PCDHA2: variants seen among roughly 807,000 people sequenced by gnomAD.
PCDHA2 encodes protocadherin alpha 2.
Under a neutral mutation model 66.0 loss-of-function variants are expected in PCDHA2, and 58 were observed. The observed-to-expected ratio is 0.88, with a 90% CI of 0.71 to 1.09. The LOEUF (loss-of-function observed/expected upper bound fraction) is 1.09. Among genes scored for constraint, PCDHA2 ranks in the 50% least tolerant of loss-of-function variants. The pLI, the probability that PCDHA2 is intolerant of heterozygous loss-of-function variation, is 0.00. For missense variants in PCDHA2, 1,267 were observed against 1,242.3 expected (o/e 1.02, Z -0.30); for synonymous variants, 634 against 554.0 (o/e 1.14, Z -2.03).
At chr5:140,951,746 C>A (rs2094627797) in intron 1 of PCDHA2, among the ~76,000 whole-genome samples, 1 of 152,128 alleles carries the variant, frequency 6.6e-6, no homozygotes, top group African/African-American at 2.4e-5. Flanking sequence ...ACTGCCCTCA[C>A]CCTCCGCGAA....
chr5:140,880,822 A>T (rs893258483), intron 1 of PCDHA2, among the ~76,000 whole-genome samples: 2 of 152,206 alleles, frequency 1.3e-5, no homozygotes, highest in Non-Finnish European at 2.9e-5. Flanking sequence ...GAGTGTCTGG[A>T]AGGGCATATT....
intron 1 of PCDHA2, chr5:140,877,567 T>C (rs1487907484): frequency 6.2e-7 from 1 of 1,613,664 alleles, no homozygotes; most frequent in East Asian, 2.2e-5. Context: ...TATTAACGTG[T>C]ACCTCATCAT....
intron 1 of PCDHA2, chr5:140,810,927 C>T (rs1764757757): frequency 6.6e-6 from 1 of 152,084 alleles, no homozygotes; most frequent in Non-Finnish European, 1.5e-5. Context: ...TCATTGTTTA[C>T]ATTACATCTA....
intron 1 of PCDHA2, chr5:140,803,156 C>A (rs1763130991): frequency 6.2e-7 from 1 of 1,613,768 alleles, no homozygotes; most frequent in Non-Finnish European, 8.5e-7. Context: ...TGGTGAAGGA[C>A]CACGGTGAAC....
chr5:140,880,645 C>T (rs535367313), intron 1 of PCDHA2, among the ~76,000 whole-genome samples: 5 of 152,148 alleles, frequency 3.3e-5, no homozygotes, highest in Admixed American at 3.3e-4. Flanking sequence ...CACTTGAGAG[C>T]CCAACTGAGG....
intron 1 of PCDHA2, among the ~76,000 whole-genome samples, chr5:140,846,656 G>C (rs1291638062): frequency 6.7e-6 from 1 of 149,228 alleles, no homozygotes; most frequent in East Asian, 1.9e-4. Context: ...TTACAGGCAT[G>C]AGCCACCGCG....
At chr5:140,983,226 T>C (rs892083218) in intron 3 of PCDHA2, among the ~76,000 whole-genome samples, 1 of 152,216 alleles carries the variant, frequency 6.6e-6, no homozygotes, top group Non-Finnish European at 1.5e-5. Context: ...ATCCAAACTT[T>C]CAGGAAAGAG....
chr5:140,876,481 C>T (rs1442284424), intron 1 of PCDHA2: 9 of 1,613,878 alleles, frequency 5.6e-6, no homozygotes, highest in Admixed American at 1.7e-5. Flanking sequence ...CAGCATGGTC[C>T]TGGTGGAAGT....
chr5:140,835,484 C>T (rs2150236532), intron 1 of PCDHA2: 3 of 1,613,926 alleles, frequency 1.9e-6, no homozygotes, highest in Non-Finnish European at 8.5e-7. Flanking sequence ...AACCAGGTAC[C>T]GTCATCACAT....
Position 140,819,137 on chromosome 5 carries a change from T to A in PCDHA2, c.2388+21785T>A, listed in dbSNP as rs193224089. On this transcript the variant is annotated intron_variant, in intron 1 of 3. Coordinates refer to ENST00000526136, the MANE Select transcript of PCDHA2 (RefSeq NM_018905.3). The stretch of plus-strand genomic sequence containing the variant: ...CTTTCTTACTATCCTTATAATAGAA[T>A]AAATTAATTTTTATACAGAATTAAT... Among the ~76,000 whole-genome samples the A allele has an allele frequency of 3.0e-3, 455 of 152,322 alleles. 4 individuals carry two copies. The highest frequency in any genetic ancestry group is 0.014 in the Middle Eastern group (4 of 294).
chr5:140,969,600 C>CTAAAACACA, intron 1 of PCDHA2: 1 of 778,552 alleles, frequency 1.3e-6, no homozygotes, highest in South Asian at 2.1e-5. Flanking sequence ...ATATTTAATG[C>CTAAAACACA]TAAAACACAG....
At chr5:140,932,734 C>G (rs1295804671) in intron 1 of PCDHA2, among the ~76,000 whole-genome samples, 2 of 151,588 alleles carry the variant, frequency 1.3e-5, no homozygotes, top group Non-Finnish European at 1.5e-5. Context: ...AATATAGACC[C>G]TCAAATCAGT....
intron 1 of PCDHA2, chr5:140,834,950 A>C: frequency 1.3e-6 from 2 of 1,550,084 alleles, no homozygotes; most frequent in Non-Finnish European, 1.8e-6. Context: ...ACCAGCAGGT[A>C]AAACCTCTTG....
At position 140,978,997 on chromosome 5, in the gene PCDHA2, G is replaced by C. The variant is rs782253140; in HGVS notation, c.2437G>C (p.Gly813Arg). The C allele has an allele frequency of 2.7e-5, 44 of 1,614,040 alleles. No individual in the cohort carries two copies. Among genetic ancestry groups the C allele is most frequent in the Non-Finnish European group, 3.6e-5 (43 of 1,180,028 alleles). ...GCGTTACTCTGCCTCCCTGAGAGCA[G>C]GCATGCACAGGTATGTATTTCCCTC... ...DWRYSASLRAGMHSSVHLEEA... is the reference protein window; with the variant it reads ...DWRYSASLRARMHSSVHLEEA... Residue 813 changes from glycine to arginine, a missense_variant, in exon 2 of 4, where the codon GGC becomes CGC. Transcript: ENST00000526136.
intron 1 of PCDHA2, chr5:140,928,695 C>T (rs782305388): frequency 9.3e-6 from 15 of 1,614,058 alleles, no homozygotes; most frequent in Non-Finnish European, 1.3e-5. Context: ...ACCACATCTC[C>T]CGGGCGTCTG....
chr5:140,938,875 C>T (rs2092238013), intron 1 of PCDHA2, among the ~76,000 whole-genome samples: 1 of 151,912 alleles, frequency 6.6e-6, no homozygotes. Flanking sequence ...AGTTAAGAAG[C>T]AACACACACA....
chr5:140,821,251 C>G (rs1766928328), intron 1 of PCDHA2, among the ~76,000 whole-genome samples: 1 of 152,094 alleles, frequency 6.6e-6, no homozygotes, highest in Admixed American at 6.5e-5. Flanking sequence ...AACTTTAACT[C>G]TTAAAAGTTA....
intron 1 of PCDHA2, chr5:140,843,803 T>C: frequency 7.7e-7 from 1 of 1,305,734 alleles, no homozygotes. Context: ...TTTTTCACCG[T>C]ATTTTATAGT....
rs1554181482 is a variant in PCDHA2, at chr5:140,884,371, C to G, written c.2388+87019C>G. The stretch of plus-strand genomic sequence containing the variant: ...TGGTGGATGTCAATGTTTACTTGAT[C>G]ATTGCCATCTGCGCGGTGTCCAGCC... On this transcript the variant is annotated intron_variant, in intron 1 of 3. Coordinates refer to ENST00000526136, the MANE Select transcript of PCDHA2 (RefSeq NM_018905.3). 2 of 1,613,948 alleles carry G rather than the reference C, an allele frequency of 1.2e-6. No homozygotes were observed. Among genetic ancestry groups the G allele is most frequent in the African/African-American group, 2.7e-5 (2 of 75,052 alleles).
Sources: allele counts gnomAD v4.1 joint callset (sites outside exome capture counted in the v4.1 genomes callset), GRCh38; gene constraint gnomAD v4.1.1; transcripts MANE v1.5; gene names NCBI Gene and HGNC (gene_info 2026-07-23, HGNC 2026-07-21).